Variants in BRINP3 observed in about 807,000 individuals in gnomAD.
The protein encoded by BRINP3 is BMP/retinoic acid-inducible neural-specific protein 3.
Under a neutral mutation model 71.0 loss-of-function variants are expected in BRINP3, and 19 were observed. The observed-to-expected ratio is 0.27, with a 90% CI of 0.19 to 0.39. BRINP3 has a LOEUF of 0.39. BRINP3 is among the 10% of genes least tolerant of loss of function. BRINP3 has a pLI of 1.00. For missense variants in BRINP3, 959 were observed against 940.8 expected, an observed-to-expected ratio of 1.02 and a Z score of -0.25; for synonymous variants, 380 against 337.7, an observed-to-expected ratio of 1.13 and a Z score of -1.37.
intron 7 of BRINP3, among the ~76,000 whole-genome samples, chr1:190,139,836 T>C (rs1046427227): frequency 6.6e-6 from 1 of 152,200 alleles, no homozygotes; most frequent in African/African-American, 2.4e-5. Flanking sequence ...ATTATATCTA[T>C]GGTAAACATG....
intron 6 of BRINP3, among the ~76,000 whole-genome samples, chr1:190,188,998 G>T (rs1653794416): frequency 6.6e-6 from 1 of 152,078 alleles, no homozygotes; most frequent in Non-Finnish European, 1.5e-5. Flanking sequence ...CTGACCTCAT[G>T]ATCTGCCTGC....
At chr1:190,396,203 G>A (rs918857891) in intron 2 of BRINP3, among the ~76,000 whole-genome samples, 2 of 151,884 alleles carry the variant, frequency 1.3e-5, no homozygotes, top group South Asian at 2.1e-4. Context: ...AATGAGTAAT[G>A]CTGGAATTGA....
At chr1:190,131,322 A>T (rs1654526412) in intron 7 of BRINP3, among the ~76,000 whole-genome samples, 1 of 151,892 alleles carries the variant, frequency 6.6e-6, no homozygotes, top group Admixed American at 6.6e-5. Context: ...ATGAGTTAAA[A>T]TGTTGAGATT....
At chr1:190,220,749 C>A (rs1318368026) in intron 6 of BRINP3, among the ~76,000 whole-genome samples, 1 of 151,948 alleles carries the variant, frequency 6.6e-6, no homozygotes, top group Non-Finnish European at 1.5e-5. Context: ...TTTACCACCA[C>A]CAGACTCATC....
At chr1:190,190,819 G>A (rs756193544) in intron 6 of BRINP3, among the ~76,000 whole-genome samples, 1 of 151,548 alleles carries the variant, frequency 6.6e-6, no homozygotes, top group Middle Eastern at 3.2e-3. Context: ...AAAATTACTT[G>A]GTCATCATCA....
intron 2 of BRINP3, among the ~76,000 whole-genome samples, chr1:190,443,638 T>C (rs988698091): frequency 2.0e-5 from 3 of 152,082 alleles, no homozygotes; most frequent in African/African-American, 7.2e-5. Flanking sequence ...CAGAAAGATG[T>C]TGTAAAAGTA....
At chr1:190,464,312 T>G (rs1174553732) in intron 1 of BRINP3, among the ~76,000 whole-genome samples, 1 of 151,964 alleles carries the variant, frequency 6.6e-6, no homozygotes, top group Non-Finnish European at 1.5e-5. Context: ...GACAAATGTC[T>G]TGGTGTATTA....
intron 2 of BRINP3, among the ~76,000 whole-genome samples, chr1:190,446,399 G>C (rs1675221408): frequency 1.3e-5 from 2 of 151,966 alleles, no homozygotes; most frequent in African/African-American, 2.4e-5. Flanking sequence ...AGGGTAAAAA[G>C]CTTCCTTCTT....
intron 7 of BRINP3, among the ~76,000 whole-genome samples, chr1:190,155,574 G>T (rs1486562858): frequency 6.6e-6 from 1 of 152,002 alleles, no homozygotes; most frequent in Non-Finnish European, 1.5e-5. Flanking sequence ...TACGTTTTAG[G>T]AATTATACTA....
chr1:190,297,668 T>C (rs1174893484), intron 2 of BRINP3, among the ~76,000 whole-genome samples: 1 of 152,108 alleles, frequency 6.6e-6, no homozygotes, highest in African/African-American at 2.4e-5. Context: ...ACACCGTTCA[T>C]ATTATGGATT....
intron 2 of BRINP3, among the ~76,000 whole-genome samples, chr1:190,409,572 T>C (rs1430414192): frequency 2.0e-5 from 3 of 152,200 alleles, no homozygotes; most frequent in South Asian, 2.1e-4. Flanking sequence ...AAGCTGATCA[T>C]TCTTGATGGA....
At chr1:190,314,604 G>T (rs532240105) in intron 2 of BRINP3, among the ~76,000 whole-genome samples, 256 of 152,264 alleles carry the variant, frequency 1.7e-3, no homozygotes, top group Non-Finnish European at 2.7e-3. Context: ...AAGCTGAAAA[G>T]TTAGGAAACT....
chr1:190,461,412 A>G (rs545376022), intron 1 of BRINP3, among the ~76,000 whole-genome samples: 1 of 152,244 alleles, frequency 6.6e-6, no homozygotes, highest in African/African-American at 2.4e-5. Flanking sequence ...TCATGACCCT[A>G]CAAAGTTGGT....
intron 4 of BRINP3, among the ~76,000 whole-genome samples, chr1:190,245,051 C>A (rs924254053): frequency 1.3e-5 from 2 of 151,944 alleles, no homozygotes; most frequent in African/African-American, 4.8e-5. Context: ...CAACTAATAC[C>A]TGTGCACAGA....
chr1:190,281,678 A>G lies in BRINP3; in HGVS notation c.309T>C (p.Leu103=), dbSNP rs537654118. The G allele has an allele frequency of 6.2e-7, 1 of 1,613,028 alleles. No individual in the cohort carries two copies. Among genetic ancestry groups the G allele is most frequent in the African/African-American group, 1.3e-5 (1 of 74,944 alleles). The change falls in exon 3 of 8, where the codon CTT becomes CTC. Residue 103 remains leucine (L), a synonymous_variant. Transcript: ENST00000367462. ...TTATGTTGCGGAAGAATTCAGGGGC[A>G]AGAGGCAGAGGAGAGCCAAGGAAAT... is the stretch of plus-strand genomic sequence containing the variant. ...RRNFLGSPLP[L]APEFFRNIRL...
chr1:190,445,036 C>G (rs192829602), intron 2 of BRINP3, among the ~76,000 whole-genome samples: 49 of 152,010 alleles, frequency 3.2e-4, no homozygotes, highest in African/African-American at 1.1e-3. Context: ...GTGTAAGACT[C>G]TTTTAGAGGC....
chr1:190,101,625 G>A (rs889805786), intron 7 of BRINP3, among the ~76,000 whole-genome samples: 1 of 150,854 alleles, frequency 6.6e-6, no homozygotes, highest in East Asian at 1.9e-4. Context: ...TCTTTATTCA[G>A]TTCTCATTTA....
At chr1:190,365,835 T>C (rs10920707) in intron 2 of BRINP3, among the ~76,000 whole-genome samples, 25,135 of 136,590 alleles carry the variant, frequency 0.18, 2,474 homozygotes, top group African/African-American at 0.24. Context: ...TATATATATA[T>C]ACACACACAC....
intron 2 of BRINP3, among the ~76,000 whole-genome samples, chr1:190,415,251 G>T (rs763271210): frequency 6.6e-6 from 1 of 152,074 alleles, no homozygotes; most frequent in African/African-American, 2.4e-5. Context: ...TCTTGGTGAA[G>T]CACACGCCTA....
Sources: gnomAD v4.1 joint callset for allele counts (sites outside exome capture counted in the v4.1 genomes callset) on GRCh38, gnomAD v4.1.1 for gene constraint, MANE v1.5 for transcripts, NCBI Gene and HGNC (gene_info 2026-07-23, HGNC 2026-07-21) for gene names.